Variants in SBNO2 observed in about 807,000 individuals in gnomAD.
SBNO2 encodes strawberry notch homolog 2.
SBNO2 carries 89 observed loss-of-function variants against 146.3 expected under a neutral mutation model. That is an observed-to-expected ratio of 0.61 (90% CI 0.51 to 0.73). The LOEUF (loss-of-function observed/expected upper bound fraction) is 0.73. Among genes scored for constraint, SBNO2 ranks in the 30% least tolerant of loss-of-function variants. The pLI is 0.00. For synonymous variants in SBNO2, 1,147 were observed against 892.6 expected, an observed-to-expected ratio of 1.29 and a Z score of -5.08; for missense variants, 2,092 against 2,003.7, an observed-to-expected ratio of 1.04 and a Z score of -0.84.
intron 4 of SBNO2, among the ~76,000 whole-genome samples, chr19:1,132,480 G>A (rs568413496): frequency 1.3e-5 from 2 of 152,338 alleles, no homozygotes; most frequent in South Asian, 2.1e-4. Flanking sequence ...CGGCGGACGT[G>A]CAGAATGCCC....
In SBNO2 at chr19:1,117,320, C is replaced by G. The variant is rs1350509998; in HGVS notation, c.1704+3G>C. ...TCAGCCCTCGAAGGCCGCAGCCGCTCACCTTGTCTCGCGCCAGCTCCTCTC... is the reference window on the plus strand; with the variant it reads ...TCAGCCCTCGAAGGCCGCAGCCGCTGACCTTGTCTCGCGCCAGCTCCTCTC... On this transcript the variant is annotated splice_donor_region_variant and intron_variant, in intron 15 of 31. Coordinates refer to ENST00000361757, the MANE Select transcript of SBNO2 (RefSeq NM_014963.3). 3 of 1,559,416 alleles carry G rather than the reference C, an allele frequency of 1.9e-6. No homozygotes were observed. The highest frequency in any genetic ancestry group is 2.4e-5 in the South Asian group (2 of 84,436).
chr19:1,148,446 G>A (rs1008635366), intron 3 of SBNO2, among the ~76,000 whole-genome samples: 1 of 150,046 alleles, frequency 6.7e-6, no homozygotes, highest in Admixed American at 6.7e-5. Flanking sequence ...CCCAGCTGCT[G>A]CCCTCTGTGG....
chr19:1,113,519 G>GCCACGTC lies in SBNO2; in HGVS notation c.2247+9_2247+15dup. ...ATGCCCCGCCCACCACACTCCAGCT[G>GCCACGTC]CCACGTCCCACCCACCTCCGCCACC... On this transcript the variant is annotated intron_variant, in intron 19 of 31. Transcript: ENST00000361757. 7 of 1,581,416 alleles carry GCCACGTC rather than the reference G, an allele frequency of 4.4e-6. No individual in the cohort carries two copies. The highest frequency in any genetic ancestry group is 6.0e-6 in the Non-Finnish European group (7 of 1,166,252).
At chr19:1,116,177 C>G (rs903537170) in intron 16 of SBNO2, 74 bp from the exon 17 acceptor site, 68 of 1,412,770 alleles carry the variant, frequency 4.8e-5, no homozygotes, top group Non-Finnish European at 4.9e-6. Flanking sequence ...AGGAGCTGGA[C>G]GCACCCCTGG....
chr19:1,169,625 G>A (rs1045374564), intron 1 of SBNO2, among the ~76,000 whole-genome samples: 11 of 152,152 alleles, frequency 7.2e-5, no homozygotes, highest in Non-Finnish European at 1.3e-4. Context: ...GCCGTCCTAC[G>A]GGTTGAGACA....
chr19:1,119,712 G>A, intron 12 of SBNO2, 91 bp from the exon 13 acceptor site: 1 of 1,170,532 alleles, frequency 8.5e-7, no homozygotes, highest in South Asian at 1.3e-5. Flanking sequence ...CCGACGAGGG[G>A]CCCTGCGGGG....
At chr19:1,123,283 C>T (rs2079926811) in intron 7 of SBNO2, among the ~76,000 whole-genome samples, 1 of 151,998 alleles carries the variant, frequency 6.6e-6, no homozygotes, top group African/African-American at 2.4e-5. Flanking sequence ...GGGGGCGTGG[C>T]CAGCGGCTTG....
chr19:1,146,316 G>C (rs2080189427), intron 4 of SBNO2, among the ~76,000 whole-genome samples: 1 of 152,208 alleles, frequency 6.6e-6, no homozygotes, highest in Non-Finnish European at 1.5e-5. Context: ...CCTGAGTGGG[G>C]AAAACTGGGC....
intron 1 of SBNO2, among the ~76,000 whole-genome samples, chr19:1,156,013 C>T (rs770333294): frequency 6.6e-6 from 1 of 152,204 alleles, no homozygotes; most frequent in African/African-American, 2.4e-5. Context: ...AGCTGATGGG[C>T]AGCAGGGCCC....
Position 1,158,881 on chromosome 19 carries a change from G to A in SBNO2, c.-126-4479C>T, listed in dbSNP as rs1266498486. ...AGCCGTGATGGCCTCCTGCAGCTGT[G>A]ACCGCCGCCCCACAGCCGCGACCCC... On this transcript the variant is annotated intron_variant, in intron 1 of 31. Transcript: ENST00000361757. This position sits in a 1 kb window ranked among gnomAD's most constrained non-coding sequence, Gnocchi z 9.9. 4.6e-5 allele frequency among the ~76,000 whole-genome samples: 7 copies of A among 151,964 alleles called. No homozygotes were observed. The highest frequency in any genetic ancestry group is 1.7e-4 in the African/African-American group (7 of 41,360).
At position 1,119,842 on chromosome 19, in the gene SBNO2, G is replaced by A. The variant is rs1463893960; in HGVS notation, c.1267+64C>T. 11 of 1,287,144 alleles carry A rather than the reference G, an allele frequency of 8.5e-6. No homozygotes were observed. The South Asian group carries it at 1.0e-4, about 12-fold the overall frequency. 79.7% of individuals were successfully genotyped at this position (1,287,144 alleles called of 1,614,324 possible). On this transcript the variant is annotated intron_variant, in intron 12 of 31. Transcript: ENST00000361757. ...GAGTACGCGTGTGGGATACCCCTTC[G>A]CGGGGACAGCCAGGCAGAAAGACGC...
At chr19:1,117,754 C>T (rs540353029) in intron 14 of SBNO2, among the ~76,000 whole-genome samples, 2 of 152,390 alleles carry the variant, frequency 1.3e-5, no homozygotes, top group South Asian at 4.1e-4. Context: ...GGCAAACAGG[C>T]TCAGCTCCTT....
At chr19:1,114,500 G>A (rs2079807958) in intron 17 of SBNO2, 78 bp from the exon 18 acceptor site, 2 of 1,253,842 alleles carry the variant, frequency 1.6e-6, no homozygotes, top group Non-Finnish European at 2.1e-6. Context: ...CAGCAGGACA[G>A]AGCAAGGCCA....
rs895261029 is a variant in SBNO2, at chr19:1,136,041, C to A, written c.280-8276G>T. 6.6e-6 allele frequency among the ~76,000 whole-genome samples: 1 copy of A among 152,000 alleles called. No homozygotes were observed. The highest frequency in any genetic ancestry group is 2.4e-5 in the African/African-American group (1 of 41,390). On this transcript the variant is annotated intron_variant, in intron 4 of 31. Transcript: ENST00000361757. This position sits in a 1 kb window ranked among gnomAD's most constrained non-coding sequence, Gnocchi z 4.2. ...GTTAAAAAAAAAAAGGCCGCACTGG[C>A]CGAGCGGGTGTTCTGTGCCTGGTGT...
In SBNO2 at chr19:1,110,480, C is replaced by T. The variant is rs1480313319; in HGVS notation, c.3028+265G>A. On this transcript the variant is annotated intron_variant, in intron 26 of 31. Transcript: ENST00000361757. The surrounding 1 kb of genome is among the most constrained non-coding windows in gnomAD (Gnocchi z 4.9). ...ACCCTCGCTCACCCAGGATGCATGG[C>T]GCTTCCACGAGCCCCTTGCCCACCT... is the stretch of plus-strand genomic sequence containing the variant. Among the ~76,000 whole-genome samples, 7 of 151,600 alleles carry T rather than the reference C, an allele frequency of 4.6e-5. No individual in the cohort carries two copies. The highest frequency in any genetic ancestry group is 1.3e-4 in the Admixed American group (2 of 15,240).
chr19:1,112,952 G>A lies in SBNO2; in HGVS notation c.2248-3C>T. 6.4e-7 allele frequency: 1 copy of A among 1,559,678 alleles called. No homozygotes were observed. The highest frequency in any genetic ancestry group is 1.2e-5 in the South Asian group (1 of 84,920). On this transcript the variant is annotated splice_polypyrimidine_tract_variant and splice_region_variant and intron_variant, in intron 19 of 31. Transcript: ENST00000361757. This position sits in a 1 kb window ranked among gnomAD's most constrained non-coding sequence, Gnocchi z 5.9. Reference sequence around the variant, plus strand: ...ACGCGGCCTTTCCTGCCGGTCATCTGCAGCCGAGACAGGGACAAAACCGGC... The same window carrying A: ...ACGCGGCCTTTCCTGCCGGTCATCTACAGCCGAGACAGGGACAAAACCGGC...
intron 1 of SBNO2, among the ~76,000 whole-genome samples, chr19:1,164,918 GAGGAGGAGGAGGCAC>G (rs2080396796): frequency 2.3e-5 from 3 of 129,540 alleles, no homozygotes; most frequent in African/African-American, 5.7e-5. Flanking sequence ...GGCACAGGAG[GAGGAGGAGGAGGCAC>G]AGGAGGAGGA....
intron 1 of SBNO2, among the ~76,000 whole-genome samples, chr19:1,163,529 C>G (rs2080370438): frequency 6.6e-6 from 1 of 152,210 alleles, no homozygotes; most frequent in Non-Finnish European, 1.5e-5. Context: ...CCACGCGACT[C>G]CCGTGAGCAC....
In SBNO2 at chr19:1,123,859, A is replaced by G. The variant is rs569888190; in HGVS notation, c.522+83T>C. On this transcript the variant is annotated intron_variant, in intron 6 of 31. Transcript: ENST00000361757. ...CTTCTAGGCCAGCCAAGCGCTCCCC[A>G]CAATGGAGATGCCTGTGCTGAGCCC... 4.0e-4 allele frequency: 563 copies of G among 1,410,200 alleles called. 1 individual carries two copies. In the African/African-American group the frequency reaches 6.7e-3, roughly 17 times the overall value. The allele number at this position is 1,410,200 out of a possible 1,614,324, so 87.4% of individuals were successfully genotyped here.
Sources: gnomAD v4.1 joint callset for allele counts (sites outside exome capture counted in the v4.1 genomes callset) on GRCh38, gnomAD v4.1.1 for gene constraint, Gnocchi (gnomAD v3.1) non-coding constraint, MANE v1.5 for transcripts, NCBI Gene and HGNC (gene_info 2026-07-23, HGNC 2026-07-21) for gene names.